DDX10: variants seen among roughly 807,000 people sequenced by gnomAD.
DDX10 encodes probable ATP-dependent RNA helicase DDX10.
DDX10 carries 74 observed loss-of-function variants against 104.3 expected under a neutral mutation model. That is an observed-to-expected ratio of 0.71 (90% CI 0.59 to 0.86). The LOEUF (loss-of-function observed/expected upper bound fraction) is 0.86, where lower values mean the gene tolerates loss of function less well. Among genes scored for constraint, DDX10 ranks in the 40% least tolerant of loss-of-function variants. The probability of loss-of-function intolerance (pLI) is 0.00; values close to 1 mark genes in which losing one functional copy is unlikely to be tolerated. For missense variants in DDX10, 952 were observed against 1,040.0 expected (o/e 0.92, Z 1.16); for synonymous variants, 351 against 353.4 (o/e 0.99, Z 0.08).
intron 9 of DDX10, among the ~76,000 whole-genome samples, chr11:108,701,675 C>CTTTTTTTTTTTTTTTTTTT (rs55916940): frequency 1.8e-4 from 14 of 77,416 alleles, no homozygotes; most frequent in East Asian, 4.4e-4. Flanking sequence ...TTCTTCTTCT[C>CTTTTTTTTTTTTTTTTTTT]TTTTTTTTTT....
chr11:108,742,585 C>G (rs1202182553), intron 13 of DDX10, among the ~76,000 whole-genome samples: 7 of 152,068 alleles, frequency 4.6e-5, no homozygotes, highest in Non-Finnish European at 8.8e-5. Flanking sequence ...ACAACAACAA[C>G]AAGAAACAAA....
intron 13 of DDX10, among the ~76,000 whole-genome samples, chr11:108,809,235 G>A (rs575207705): frequency 8.5e-5 from 13 of 152,288 alleles, no homozygotes; most frequent in South Asian, 6.2e-4. Context: ...ATCAGAAACC[G>A]TATCGCAGTG....
At chr11:108,737,751 T>C (rs1014178176) in intron 13 of DDX10, among the ~76,000 whole-genome samples, 2 of 152,196 alleles carry the variant, frequency 1.3e-5, no homozygotes, top group Non-Finnish European at 2.9e-5. Context: ...TCCACCTCTT[T>C]CATTGCTAGA....
intron 10 of DDX10, among the ~76,000 whole-genome samples, chr11:108,714,497 CCATAGGGAACTGGATATCAGAAGT>C (rs1245433454): frequency 6.7e-6 from 1 of 149,416 alleles, no homozygotes; most frequent in East Asian, 2.0e-4. Context: ...CAAGCTCCAT[CCATAGGGAACTGGATATCAGAAGT>C]CTGACTCTTT....
rs115278274 is a variant in DDX10, at chr11:108,917,098, C to T, written c.2305-775C>T. Among the ~76,000 whole-genome samples, 168 of 151,604 alleles carry T rather than the reference C, an allele frequency of 1.1e-3. 2 individuals are homozygous for T. Among genetic ancestry groups the T allele is most frequent in the African/African-American group, 3.9e-3 (163 of 41,290 alleles). On this transcript the variant is annotated intron_variant, in intron 16 of 17. Transcript: ENST00000322536. ...TTCGTTTTTAAGAGATGGGATCTCA[C>T]TCCATCACCCAAGCTGGCATGCAGT... is the stretch of plus-strand genomic sequence containing the variant.
chr11:108,748,254 A>G lies in DDX10; in HGVS notation c.1965+24792A>G, dbSNP rs370670944. 2.6e-4 allele frequency among the ~76,000 whole-genome samples: 39 copies of G among 152,312 alleles called. 1 individual carries two copies. The highest frequency in any genetic ancestry group is 9.4e-4 in the African/African-American group (39 of 41,572). On this transcript the variant is annotated intron_variant, in intron 13 of 17. Coordinates refer to ENST00000322536, the MANE Select transcript of DDX10 (RefSeq NM_004398.4). ...ACAGAGATACGAAGCTAGGGCAATCATGTCTGTCAGAGAATGAGCGGAGAC... is the reference window on the plus strand; with the variant it reads ...ACAGAGATACGAAGCTAGGGCAATCGTGTCTGTCAGAGAATGAGCGGAGAC...
intron 13 of DDX10, among the ~76,000 whole-genome samples, chr11:108,775,444 A>G (rs986718887): frequency 7.9e-5 from 12 of 152,166 alleles, no homozygotes; most frequent in Admixed American, 1.3e-4. Context: ...AACTGAAAAG[A>G]GTGGAAAGGA....
intron 16 of DDX10, among the ~76,000 whole-genome samples, chr11:108,881,627 C>T (rs1367031024): frequency 6.6e-6 from 1 of 152,080 alleles, no homozygotes; most frequent in African/African-American, 2.4e-5. Context: ...ATTACATGAG[C>T]TATTCAACAC....
chr11:108,912,056 G>A (rs1159164486), intron 16 of DDX10, among the ~76,000 whole-genome samples: 2 of 152,144 alleles, frequency 1.3e-5, no homozygotes, highest in African/African-American at 4.8e-5. Context: ...TTTGGGCTGC[G>A]GTAACAAAAT....
At chr11:108,790,802 TC>T (rs1204159382) in intron 13 of DDX10, among the ~76,000 whole-genome samples, 1 of 152,008 alleles carries the variant, frequency 6.6e-6, no homozygotes, top group African/African-American at 2.4e-5. Flanking sequence ...TTAAGGTACC[TC>T]CCACCCACAC....
chr11:108,846,842 C>CCAGAG (rs1259718557), intron 15 of DDX10, among the ~76,000 whole-genome samples: 1 of 151,798 alleles, frequency 6.6e-6, no homozygotes, highest in Non-Finnish European at 1.5e-5. Context: ...CCAGACCAGA[C>CCAGAG]CAGACCAGAC....
chr11:108,926,771 A>G (rs1363548938), intron 17 of DDX10, among the ~76,000 whole-genome samples: 1 of 152,164 alleles, frequency 6.6e-6, no homozygotes, highest in East Asian at 1.9e-4. Flanking sequence ...GGTAAGGGGA[A>G]AAGTCTCTGG....
Position 108,715,906 on chromosome 11 carries a change from C to A in DDX10, c.1350C>A (p.Val450=). 1 of 1,554,482 alleles carries A rather than the reference C, an allele frequency of 6.4e-7. No individual in the cohort carries two copies. Among genetic ancestry groups the A allele is most frequent in the Admixed American group, 1.7e-5 (1 of 58,676 alleles). The stretch of plus-strand genomic sequence containing the variant: ...TCAATCCAGAAAAACTTATAGATGT[C>A]CAGAAAAAATTGGAATCTATTTTAG... ...IKINPEKLID[V]QKKLESILAQ... is the part of the protein sequence containing the mutation. The change falls in exon 11 of 18, where the codon GTC becomes GTA. Residue 450 remains valine, a synonymous_variant. Coordinates refer to ENST00000322536, the MANE Select transcript of DDX10 (RefSeq NM_004398.4).
intron 16 of DDX10, among the ~76,000 whole-genome samples, chr11:108,896,921 CT>C (rs1204949433): frequency 0.013 from 1,918 of 143,092 alleles, 24 homozygotes; most frequent in African/African-American, 0.042. Flanking sequence ...AGTAGAAAGA[CT>C]TTTTTTTTTT....
At chr11:108,822,560 GC>G in intron 13 of DDX10, 1 of 207,014 alleles carries the variant, frequency 4.8e-6, no homozygotes, top group Middle Eastern at 1.8e-3. Context: ...TGGAGATTAG[GC>G]CCAGTCTTGT....
At chr11:108,829,455 C>T (rs777814817) in intron 13 of DDX10, among the ~76,000 whole-genome samples, 5 of 151,574 alleles carry the variant, frequency 3.3e-5, no homozygotes, top group South Asian at 4.2e-4. Context: ...TTTTTCTTGC[C>T]GATTTGTTTG....
At chr11:108,915,752 T>C (rs1458143492) in intron 16 of DDX10, among the ~76,000 whole-genome samples, 6 of 152,136 alleles carry the variant, frequency 3.9e-5, no homozygotes, top group Non-Finnish European at 7.4e-5. Context: ...ACGTTTGTTA[T>C]GGAATGAACA....
chr11:108,691,926 C>T lies in DDX10; in HGVS notation c.1026C>T (p.Ile342=). ...VFCRLRPGVS[I]LALHGRQQQM... is the part of the protein sequence containing the mutation. ...GCCGGCTACGTCCTGGTGTTTCTAT[C>T]CTTGCACTCCATGGTCGACAGCAGC... Residue 342 remains isoleucine, a synonymous_variant, in exon 8 of 18, where the codon ATC becomes ATT. Coordinates refer to ENST00000322536, the MANE Select transcript of DDX10 (RefSeq NM_004398.4). 3 of 1,614,106 alleles carry T rather than the reference C, an allele frequency of 1.9e-6. No homozygotes were observed. Among genetic ancestry groups the T allele is most frequent in the Non-Finnish European group, 2.5e-6 (3 of 1,180,012 alleles).
chr11:108,878,970 A>G (rs1416137705), intron 16 of DDX10, among the ~76,000 whole-genome samples: 1 of 152,076 alleles, frequency 6.6e-6, no homozygotes, highest in African/African-American at 2.4e-5. Context: ...TTGAGGATAG[A>G]ACACTTTTTT....
Sources: allele counts gnomAD v4.1 joint callset (sites outside exome capture counted in the v4.1 genomes callset), GRCh38; gene constraint gnomAD v4.1.1; transcripts MANE v1.5; gene names NCBI Gene and HGNC (gene_info 2026-07-23, HGNC 2026-07-21).